The following ASAP2 variants were observed in gnomAD, a reference collection of about 807,000 sequenced individuals.
ASAP2 encodes ArfGAP with SH3 domain, ankyrin repeat and PH domain 2, also known as arf-GAP with SH3 domain, ANK repeat and PH domain-containing protein 2.
A neutral mutation model predicts 131.4 loss-of-function variants in ASAP2; 45 were observed. That is an observed-to-expected ratio of 0.34 (90% CI 0.27 to 0.44). The LOEUF (loss-of-function observed/expected upper bound fraction) is 0.44, where lower values mean the gene tolerates loss of function less well. ASAP2 is among the 20% of genes least tolerant of loss of function. ASAP2 has a pLI of 1.00. For missense variants in ASAP2, 1,011 were observed against 1,297.0 expected (o/e 0.78, Z 3.39); for synonymous variants, 510 against 503.0 (o/e 1.01, Z -0.19).
rs149368554 is a variant in ASAP2, at chr2:9,380,065, A to G, written c.1949-676A>G. 1.9e-3 allele frequency among the ~76,000 whole-genome samples: 289 copies of G among 152,234 alleles called. 1 individual carries two copies. The highest frequency in any genetic ancestry group is 6.4e-3 in the African/African-American group (266 of 41,536). On this transcript the variant is annotated intron_variant, in intron 19 of 27. Coordinates refer to ENST00000281419, the MANE Select transcript of ASAP2 (RefSeq NM_003887.3). Reference sequence around the variant, plus strand: ...TTGAGAGAAGGTTTAAAAGTTTGTTATATTGCAGTGCATGGAAATAGGTGA... The same window carrying G: ...TTGAGAGAAGGTTTAAAAGTTTGTTGTATTGCAGTGCATGGAAATAGGTGA...
At chr2:9,210,925 G>A (rs1294119147) in intron 1 of ASAP2, among the ~76,000 whole-genome samples, 1 of 151,916 alleles carries the variant, frequency 6.6e-6, no homozygotes, top group African/African-American at 2.4e-5. Flanking sequence ...GGAGGCCAAG[G>A]CGGGCAGATC....
At position 9,317,748 on chromosome 2, in the gene ASAP2, ACACT is replaced by A. The variant is rs761778049; in HGVS notation, c.346-772_346-769del. Among the ~76,000 whole-genome samples, 61 of 150,644 alleles carry A rather than the reference ACACT, an allele frequency of 4.0e-4. 1 individual carries two copies. Among genetic ancestry groups the A allele is most frequent in the East Asian group, 1.4e-3 (7 of 5,068 alleles). ...CACATTCACACTCACATCCACACTC[ACACT>A]CACATCCGTACACAATCACACCCTC... On this transcript the variant is annotated intron_variant, in intron 3 of 27. Transcript: ENST00000281419.
intron 15 of ASAP2, among the ~76,000 whole-genome samples, chr2:9,366,365 GT>G (rs1390514627): frequency 1.3e-5 from 2 of 152,086 alleles, no homozygotes; most frequent in African/African-American, 2.4e-5. Flanking sequence ...AGGCATCAGG[GT>G]GGTTGGCCCC....
chr2:9,350,044 A>G (rs1006119482), intron 11 of ASAP2, among the ~76,000 whole-genome samples: 1 of 152,206 alleles, frequency 6.6e-6, no homozygotes, highest in African/African-American at 2.4e-5. Flanking sequence ...TCTAAGAGGT[A>G]TTCTGCTGTT....
chr2:9,360,578 G>C (rs1362749250), intron 15 of ASAP2, among the ~76,000 whole-genome samples: 1 of 152,174 alleles, frequency 6.6e-6, no homozygotes, highest in Non-Finnish European at 1.5e-5. Flanking sequence ...ACCCTGGTTT[G>C]CAACCTGCCT....
Position 9,345,402 on chromosome 2 carries a change from G to A in ASAP2, c.1023+602G>A, listed in dbSNP as rs149631780. 2.5e-3 allele frequency among the ~76,000 whole-genome samples: 386 copies of A among 152,216 alleles called. 2 individuals carry two copies. The highest frequency in any genetic ancestry group is 9.0e-3 in the African/African-American group (374 of 41,520). On this transcript the variant is annotated intron_variant, in intron 11 of 27. Transcript: ENST00000281419. ...TCTATGTTGAGCTTATGAAAAGCCG[G>A]TCAGGATAAAGTTCCTTACCAATCT...
At chr2:9,285,654 C>T (rs1257126176) in intron 2 of ASAP2, among the ~76,000 whole-genome samples, 1 of 152,214 alleles carries the variant, frequency 6.6e-6, no homozygotes, top group Non-Finnish European at 1.5e-5. Flanking sequence ...CTTCCACACC[C>T]CAGGAAGTTG....
At chr2:9,384,132 T>G (rs538632093) in intron 20 of ASAP2, among the ~76,000 whole-genome samples, 1 of 152,250 alleles carries the variant, frequency 6.6e-6, no homozygotes, top group Admixed American at 6.5e-5. Flanking sequence ...CTGCACGTTG[T>G]GCACATGTAC....
In ASAP2 at chr2:9,207,539, G is replaced by T. The variant is rs1042960035; in HGVS notation, c.126+309G>T. On this transcript the variant is annotated intron_variant, in intron 1 of 27. Coordinates refer to ENST00000281419, the MANE Select transcript of ASAP2 (RefSeq NM_003887.3). This position sits in a 1 kb window ranked among gnomAD's most constrained non-coding sequence, Gnocchi z 4.1. ...GAGTCGGGGTCCGCGGCGAGCGGGGGATCCCGCTGCCCGCCGCCGCCCGCC... is the reference window on the plus strand; with the variant it reads ...GAGTCGGGGTCCGCGGCGAGCGGGGTATCCCGCTGCCCGCCGCCGCCCGCC... Among the ~76,000 whole-genome samples, 2 of 151,252 alleles carry T rather than the reference G, an allele frequency of 1.3e-5. No homozygotes were observed. Among genetic ancestry groups the T allele is most frequent in the Admixed American group, 6.6e-5 (1 of 15,230 alleles).
intron 16 of ASAP2, among the ~76,000 whole-genome samples, chr2:9,368,924 A>G (rs1052892412): frequency 2.0e-5 from 3 of 151,980 alleles, no homozygotes; most frequent in African/African-American, 4.8e-5. Flanking sequence ...CTTCTTGCCA[A>G]CGTCCTTGCC....
chr2:9,280,066 G>A (rs576253641), intron 2 of ASAP2, among the ~76,000 whole-genome samples: 1 of 152,308 alleles, frequency 6.6e-6, no homozygotes, highest in East Asian at 1.9e-4. Context: ...GCTAGGAACT[G>A]TGAGGAGTCC....
At chr2:9,235,699 C>T (rs911992094) in intron 1 of ASAP2, among the ~76,000 whole-genome samples, 2 of 151,968 alleles carry the variant, frequency 1.3e-5, no homozygotes, top group Non-Finnish European at 2.9e-5. Context: ...GCTGAGGTGT[C>T]GGGCTGGGTA....
At chr2:9,337,993 C>T (rs1671329725) in intron 9 of ASAP2, among the ~76,000 whole-genome samples, 1 of 152,226 alleles carries the variant, frequency 6.6e-6, no homozygotes, top group African/African-American at 2.4e-5. Flanking sequence ...CCTATTTACA[C>T]AGTTAAACTC....
chr2:9,246,046 G>C (rs371084673), intron 1 of ASAP2, among the ~76,000 whole-genome samples: 4 of 152,184 alleles, frequency 2.6e-5, no homozygotes, highest in South Asian at 2.1e-4. Flanking sequence ...GACCCCGTTG[G>C]GGGAAGGAGC....
At chr2:9,243,148 G>A (rs181366384) in intron 1 of ASAP2, among the ~76,000 whole-genome samples, 144 of 152,108 alleles carry the variant, frequency 9.5e-4, no homozygotes, top group African/African-American at 3.4e-3. Flanking sequence ...TTGCTCTGTC[G>A]CCCAGGCTGG....
intron 1 of ASAP2, among the ~76,000 whole-genome samples, chr2:9,229,315 T>G (rs1004228513): frequency 2.0e-5 from 3 of 152,080 alleles, no homozygotes; most frequent in African/African-American, 7.2e-5. Flanking sequence ...TGGACTTTGC[T>G]CAGTGGTGCC....
intron 1 of ASAP2, among the ~76,000 whole-genome samples, chr2:9,223,072 T>C (rs1662540361): frequency 6.6e-6 from 1 of 152,238 alleles, no homozygotes; most frequent in Admixed American, 6.5e-5. Flanking sequence ...CCTTCCTGCA[T>C]CTCTCAAGTC....
intron 2 of ASAP2, among the ~76,000 whole-genome samples, chr2:9,290,319 C>T (rs1667731004): frequency 6.6e-6 from 1 of 152,200 alleles, no homozygotes; most frequent in South Asian, 2.1e-4. Flanking sequence ...AAGTGATTCT[C>T]ATGCCTCAGC....
At chr2:9,375,291 A>AAT (rs1553325474) in intron 17 of ASAP2, among the ~76,000 whole-genome samples, 1 of 151,712 alleles carries the variant, frequency 6.6e-6, no homozygotes, top group African/African-American at 2.4e-5. Flanking sequence ...TCAAAAAAAA[A>AAT]GGAAAACTGG....
Sources: gnomAD v4.1 joint callset for allele counts (sites outside exome capture counted in the v4.1 genomes callset) on GRCh38, gnomAD v4.1.1 for gene constraint, Gnocchi (gnomAD v3.1) non-coding constraint, MANE v1.5 for transcripts, NCBI Gene and HGNC (gene_info 2026-07-23, HGNC 2026-07-21) for gene names.